The following RCAN3 variants were observed in gnomAD, a reference collection of about 807,000 sequenced individuals.
The protein encoded by RCAN3 is calcipressin-3.
Under a neutral mutation model 21.9 loss-of-function variants are expected in RCAN3, and 19 were observed. That is an observed-to-expected ratio of 0.87 (90% CI 0.61 to 1.27). RCAN3 has a LOEUF of 1.27. Among genes scored for constraint, RCAN3 ranks in the 50% most tolerant of loss-of-function variants. The pLI, the probability that RCAN3 is intolerant of heterozygous loss-of-function variation, is 0.00. For synonymous variants in RCAN3, 114 were observed against 112.3 expected, an observed-to-expected ratio of 1.01 and a Z score of -0.09; for missense variants, 240 against 300.1, an observed-to-expected ratio of 0.80 and a Z score of 1.48.
chr1:24,518,268 T>C (rs1270668845), intron 2 of RCAN3, among the ~76,000 whole-genome samples: 4 of 152,216 alleles, frequency 2.6e-5, no homozygotes, highest in African/African-American at 9.7e-5. Context: ...ATAACACAGG[T>C]GCCATTATCA....
intron 2 of RCAN3, among the ~76,000 whole-genome samples, chr1:24,515,484 G>A (rs150030178): frequency 2.0e-3 from 296 of 149,074 alleles, no homozygotes; most frequent in African/African-American, 6.5e-3. Context: ...GTTTTTCCCC[G>A]TCATGACCTC....
At chr1:24,514,997 A>G (rs550001532) in intron 2 of RCAN3, among the ~76,000 whole-genome samples, 6 of 151,972 alleles carry the variant, frequency 3.9e-5, no homozygotes, top group African/African-American at 1.4e-4. Flanking sequence ...GTGTATGTCC[A>G]CTTTTAGATG....
rs1178871624 is a variant in RCAN3 at position 24,538,095 on chromosome 1, T to C, written c.*2818T>C. The C allele has an allele frequency of 6.6e-6, 1 of 152,196 alleles. No homozygotes were observed. Among genetic ancestry groups the C allele is most frequent in the East Asian group, 1.9e-4 (1 of 5,200 alleles). The allele number at this position is 152,196 out of a possible 1,614,324, so 9.4% of individuals were successfully genotyped here. A position where few individuals can be genotyped will look rare whatever the true frequency, so the allele number is the denominator to read the frequency against. On this transcript the variant is annotated 3_prime_UTR_variant, in exon 5 of 5. Transcript: ENST00000374395. Reference sequence around the variant, plus strand: ...GGATAGTCACAGAACCGACGCTGCATTGGCTCTTAGGTTCTAGATTTTTGT... The same window carrying C: ...GGATAGTCACAGAACCGACGCTGCACTGGCTCTTAGGTTCTAGATTTTTGT...
chr1:24,505,078 TACAC>T (rs1429608180), intron 1 of RCAN3, among the ~76,000 whole-genome samples: 2 of 152,204 alleles, frequency 1.3e-5, no homozygotes, highest in Non-Finnish European at 2.9e-5. Context: ...AAATTTTTCT[TACAC>T]ACAGCTACTA....
intron 2 of RCAN3, among the ~76,000 whole-genome samples, chr1:24,523,449 A>G (rs1164893206): frequency 6.6e-6 from 1 of 152,118 alleles, no homozygotes; most frequent in Non-Finnish European, 1.5e-5. Context: ...TGTGGGGTCA[A>G]TGTCCAAAAT....
chr1:24,507,303 C>T (rs1010317692), intron 1 of RCAN3, among the ~76,000 whole-genome samples: 2 of 152,162 alleles, frequency 1.3e-5, no homozygotes, highest in Non-Finnish European at 2.9e-5. Flanking sequence ...TGGAATGCTC[C>T]CCATTCTTTT....
rs550829389 is a variant in RCAN3 at position 24,511,278 on chromosome 1, A to T, written c.-59-3036A>T. Among the ~76,000 whole-genome samples the T allele has an allele frequency of 5.9e-5, 9 of 152,282 alleles. No homozygotes were observed. In the East Asian group the frequency reaches 1.7e-3, roughly 29 times the overall value. On this transcript the variant is annotated intron_variant, in intron 1 of 4. Coordinates refer to ENST00000374395, the MANE Select transcript of RCAN3 (RefSeq NM_013441.4). ...CAGTGAGCCAAGATAGCACCACTGCACTCCAGCCTGGGCGACAAAGCAAGA... is the reference window on the plus strand; with the variant it reads ...CAGTGAGCCAAGATAGCACCACTGCTCTCCAGCCTGGGCGACAAAGCAAGA...
At chr1:24,502,514 A>G (rs1402600388), upstream of RCAN3, 1 of 152,202 alleles carries the variant, frequency 6.6e-6, no homozygotes, top group African/African-American at 2.4e-5. Context: ...AGCCCTGAGT[A>G]AACGTTCGTC....
At chr1:24,528,233 G>GA (rs1473109256) in intron 2 of RCAN3, among the ~76,000 whole-genome samples, 1 of 71,592 alleles carries the variant, frequency 1.4e-5, no homozygotes, top group Admixed American at 1.4e-4. Context: ...TAGAGAAAGA[G>GA]AAAAAATAGT....
At chr1:24,511,184 GTA>G (rs1647852550) in intron 1 of RCAN3, among the ~76,000 whole-genome samples, 1 of 152,140 alleles carries the variant, frequency 6.6e-6, no homozygotes, top group Non-Finnish European at 1.5e-5. Context: ...ATGGTGGCGT[GTA>G]CCTGTAGTCC....
intron 2 of RCAN3, among the ~76,000 whole-genome samples, chr1:24,528,683 A>G (rs1649478202): frequency 1.3e-5 from 2 of 152,238 alleles, no homozygotes; most frequent in Admixed American, 6.5e-5. Flanking sequence ...TTGTATGCAC[A>G]TGATAACTTA....
chr1:24,509,435 T>C (rs921407081), intron 1 of RCAN3, among the ~76,000 whole-genome samples: 1 of 152,224 alleles, frequency 6.6e-6, no homozygotes. Flanking sequence ...TTATGGAATA[T>C]TGTAAATCCT....
chr1:24,518,740 G>C (rs1402459252), intron 2 of RCAN3, among the ~76,000 whole-genome samples: 1 of 151,508 alleles, frequency 6.6e-6, no homozygotes, highest in African/African-American at 2.4e-5. Context: ...CTATAGGCAT[G>C]CACCAGCACA....
intron 1 of RCAN3, among the ~76,000 whole-genome samples, chr1:24,504,413 C>A (rs893845165): frequency 2.0e-5 from 3 of 152,210 alleles, no homozygotes; most frequent in African/African-American, 7.2e-5. Flanking sequence ...AGCCATCCGC[C>A]CACCTCTGCC....
rs1201983815 is a variant in RCAN3 at position 24,539,349 on chromosome 1, T to C, written c.*4072T>C. The stretch of plus-strand genomic sequence containing the variant: ...TGACTTAATAATTTTATTAATGAAT[T>C]TGATGTCCCATGTTTTGTAGTTTTG... On this transcript the variant is annotated 3_prime_UTR_variant, in exon 5 of 5. Transcript: ENST00000374395. 2 of 152,212 alleles carry C rather than the reference T, an allele frequency of 1.3e-5. No homozygotes were observed. Among genetic ancestry groups the C allele is most frequent in the Non-Finnish European group, 2.9e-5 (2 of 68,044 alleles). The allele number at this position is 152,212 out of a possible 1,614,324, so 9.4% of individuals were successfully genotyped here. A position where few individuals can be genotyped will look rare whatever the true frequency, so the allele number is the denominator to read the frequency against.
At chr1:24,517,113 GTTTGT>G (rs1648401484) in intron 2 of RCAN3, among the ~76,000 whole-genome samples, 1 of 140,116 alleles carries the variant, frequency 7.1e-6, no homozygotes, top group African/African-American at 2.7e-5. Flanking sequence ...TTGTTTGTTT[GTTTGT>G]TTTGGTGAGA....
chr1:24,510,287 G>A (rs1281705997), intron 1 of RCAN3, among the ~76,000 whole-genome samples: 1 of 152,214 alleles, frequency 6.6e-6, no homozygotes, highest in Non-Finnish European at 1.5e-5. Flanking sequence ...TTGAAGCCAG[G>A]CATTGACTTC....
intron 1 of RCAN3, among the ~76,000 whole-genome samples, chr1:24,505,525 G>GTGTTT (rs1647375804): frequency 6.6e-6 from 1 of 152,134 alleles, no homozygotes; most frequent in Non-Finnish European, 1.5e-5. Context: ...ACCAGTCCAA[G>GTGTTT]TGTTTTGTTT....
At chr1:24,511,290 GC>G (rs1369303548) in intron 1 of RCAN3, among the ~76,000 whole-genome samples, 3 of 152,156 alleles carry the variant, frequency 2.0e-5, no homozygotes, top group Non-Finnish European at 4.4e-5. Context: ...TCCAGCCTGG[GC>G]GACAAAGCAA....
Sources: allele counts gnomAD v4.1 joint callset (sites outside exome capture counted in the v4.1 genomes callset), GRCh38; gene constraint gnomAD v4.1.1; transcripts MANE v1.5; gene names NCBI Gene and HGNC (gene_info 2026-07-23, HGNC 2026-07-21).